The following FHIT variants were observed in gnomAD, a reference collection of about 807,000 sequenced individuals.
The protein encoded by FHIT is bis(5'-adenosyl)-triphosphatase.
A neutral mutation model predicts 17.9 loss-of-function variants in FHIT; 19 were observed. That is an observed-to-expected ratio of 1.06 (90% confidence interval 0.74 to 1.56). The LOEUF (loss-of-function observed/expected upper bound fraction) is 1.56, where lower values mean the gene tolerates loss of function less well. Ranked by LOEUF, FHIT falls within the 40% of genes most tolerant of loss-of-function variation. The probability of loss-of-function intolerance (pLI) is 0.00; values close to 1 mark genes in which losing one functional copy is unlikely to be tolerated. For missense variants in FHIT, 248 were observed against 189.2 expected (o/e 1.31, Z -1.82); for synonymous variants, 81 against 69.7 (o/e 1.16, Z -0.81).
intron 4 of FHIT, among the ~76,000 whole-genome samples, chr3:60,575,831 C>T (rs976754755): frequency 8.6e-5 from 13 of 151,938 alleles, no homozygotes; most frequent in South Asian, 8.3e-4. Flanking sequence ...TGAGGGATGC[C>T]GGGACACCAA....
At chr3:61,124,090 A>AT (rs1034584117) in intron 2 of FHIT, among the ~76,000 whole-genome samples, 1 of 152,106 alleles carries the variant, frequency 6.6e-6, no homozygotes, top group Admixed American at 6.6e-5. Flanking sequence ...AAAGAATTGT[A>AT]TTTTTTCCTG....
At position 60,666,259 on chromosome 3, in the gene FHIT, T is replaced by C. The variant is rs1271351048; in HGVS notation, c.-17-129280A>G. On this transcript the variant is annotated intron_variant, in intron 4 of 9. Coordinates refer to ENST00000492590, the MANE Select transcript of FHIT (RefSeq NM_002012.4). Reference sequence around the variant, plus strand: ...TCCTTTCTGTTTAAAGAACTTTCTTTAGCCAATCTTTAAGAGTAGGTCTGC... The same window carrying C: ...TCCTTTCTGTTTAAAGAACTTTCTTCAGCCAATCTTTAAGAGTAGGTCTGC... 2.6e-5 allele frequency among the ~76,000 whole-genome samples: 4 copies of C among 152,194 alleles called. 1 individual carries two copies. Among genetic ancestry groups the C allele is most frequent in the African/African-American group, 7.2e-5 (3 of 41,450 alleles).
At chr3:60,343,512 A>C (rs114077806) in intron 5 of FHIT, among the ~76,000 whole-genome samples, 1 of 152,200 alleles carries the variant, frequency 6.6e-6, no homozygotes, top group South Asian at 2.1e-4. Context: ...GGTGTATTAA[A>C]GATGAGGAAA....
chr3:61,188,635 A>G (rs1318914381), intron 2 of FHIT, among the ~76,000 whole-genome samples: 1 of 152,180 alleles, frequency 6.6e-6, no homozygotes, highest in African/African-American at 2.4e-5. Flanking sequence ...ACAAAAAAAG[A>G]GAATTTTAGA....
chr3:60,387,627 C>T (rs1337182918), intron 5 of FHIT, among the ~76,000 whole-genome samples: 2 of 152,108 alleles, frequency 1.3e-5, no homozygotes, highest in South Asian at 4.1e-4. Context: ...CTTCTCCAAC[C>T]CTATGTCTCA....
At chr3:60,653,902 T>A (rs1443430595) in intron 4 of FHIT, among the ~76,000 whole-genome samples, 1 of 152,166 alleles carries the variant, frequency 6.6e-6, no homozygotes, top group African/African-American at 2.4e-5. Context: ...CCAAATCTCT[T>A]CAAAATGTAA....
intron 4 of FHIT, among the ~76,000 whole-genome samples, chr3:60,600,551 T>C (rs1553668436): frequency 3.3e-5 from 5 of 152,108 alleles, no homozygotes; most frequent in Non-Finnish European, 5.9e-5. Context: ...TTGCTATAAA[T>C]TTTGAAAGCC....
chr3:60,892,610 T>C (rs1705578284), intron 3 of FHIT, among the ~76,000 whole-genome samples: 1 of 152,182 alleles, frequency 6.6e-6, no homozygotes, highest in Non-Finnish European at 1.5e-5. Context: ...AAAAGGCAAA[T>C]TATGCATACT....
intron 3 of FHIT, among the ~76,000 whole-genome samples, chr3:61,029,282 T>C (rs765391995): frequency 1.3e-5 from 2 of 152,090 alleles, no homozygotes; most frequent in Middle Eastern, 3.2e-3. Context: ...AAAAACCACC[T>C]GGAAAAGAGC....
chr3:61,117,898 G>A (rs763776230), intron 2 of FHIT, among the ~76,000 whole-genome samples: 1 of 152,092 alleles, frequency 6.6e-6, no homozygotes, highest in Non-Finnish European at 1.5e-5. Context: ...TTTACCGAAC[G>A]AATGAACAAA....
At chr3:60,501,901 A>G (rs2034540921) in intron 5 of FHIT, among the ~76,000 whole-genome samples, 1 of 152,246 alleles carries the variant, frequency 6.6e-6, no homozygotes, top group African/African-American at 2.4e-5. Context: ...TACTCAAAGA[A>G]AAGCTAAAAT....
chr3:60,129,049 G>GTTGTTTTTTTTTTTTTTTTTTTTT (rs759645654), intron 5 of FHIT, among the ~76,000 whole-genome samples: 1 of 121,042 alleles, frequency 8.3e-6, no homozygotes, highest in African/African-American at 3.6e-5. Flanking sequence ...TTCCTTTTTT[G>GTTGTTTTTTTTTTTTTTTTTTTTT]TTTGTTTTTT....
intron 5 of FHIT, among the ~76,000 whole-genome samples, chr3:60,246,853 TG>T (rs1451605899): frequency 2.0e-5 from 3 of 152,272 alleles, no homozygotes; most frequent in Non-Finnish European, 4.4e-5. Flanking sequence ...TTTCTCTTAC[TG>T]GGTTTTCAAA....
In FHIT at chr3:60,269,635, T is replaced by C. The variant is rs143978714; in HGVS notation, c.104-255483A>G. On this transcript the variant is annotated intron_variant, in intron 5 of 9. Transcript: ENST00000492590. ...AGGTAGGCAGTCTTTTATCTATTTC[T>C]CCATTCAACCAGCATTTGCTAAGCA... 2.8e-3 allele frequency among the ~76,000 whole-genome samples: 429 copies of C among 152,340 alleles called. 2 individuals are homozygous for C. The highest frequency in any genetic ancestry group is 9.9e-3 in the African/African-American group (411 of 41,586).
intron 4 of FHIT, among the ~76,000 whole-genome samples, chr3:60,649,875 C>T (rs1374998604): frequency 8.5e-5 from 13 of 152,118 alleles, no homozygotes; most frequent in African/African-American, 3.1e-4. Context: ...AGTTACTGGG[C>T]AAAGCAGACG....
At chr3:60,838,213 C>G (rs1474718624) in intron 3 of FHIT, among the ~76,000 whole-genome samples, 1 of 152,202 alleles carries the variant, frequency 6.6e-6, no homozygotes, top group Non-Finnish European at 1.5e-5. Flanking sequence ...TGGCTCACGC[C>G]TGTAATCCCA....
chr3:59,763,750 G>GCCAA (rs1553665573), intron 8 of FHIT, among the ~76,000 whole-genome samples: 3 of 151,434 alleles, frequency 2.0e-5, no homozygotes, highest in Non-Finnish European at 4.4e-5. Flanking sequence ...AGTGGCAAGT[G>GCCAA]CAAACACCCC....
At chr3:59,771,222 G>A (rs1702058927) in intron 8 of FHIT, among the ~76,000 whole-genome samples, 1 of 152,126 alleles carries the variant, frequency 6.6e-6, no homozygotes, top group African/African-American at 2.4e-5. Context: ...ATTGCAGAAG[G>A]AAGAACAGGT....
At chr3:60,430,578 CA>C (rs903325222) in intron 5 of FHIT, among the ~76,000 whole-genome samples, 6 of 152,138 alleles carry the variant, frequency 3.9e-5, no homozygotes, top group Middle Eastern at 3.4e-3. Context: ...AAAAATACTG[CA>C]TTTTATTCTC....
Sources: gnomAD v4.1 joint callset for allele counts (sites outside exome capture counted in the v4.1 genomes callset) on GRCh38, gnomAD v4.1.1 for gene constraint, MANE v1.5 for transcripts, NCBI Gene and HGNC (gene_info 2026-07-23, HGNC 2026-07-21) for gene names.